Variants in RP1 observed in about 807,000 individuals in gnomAD.
RP1 encodes RP1 axonemal microtubule associated, also known as oxygen-regulated protein 1.
RP1 carries 16 observed loss-of-function variants against 14.8 expected under a neutral mutation model. The ratio of observed to expected loss-of-function variants is 1.08; its 90% CI spans 0.73 to 1.65. The LOEUF (loss-of-function observed/expected upper bound fraction) is 1.65. Among genes scored for constraint, RP1 ranks in the 40% most tolerant of loss-of-function variants. RP1 has a pLI of 0.00. For synonymous variants in RP1, 876 were observed against 883.6 expected (o/e 0.99, Z 0.15); for missense variants, 2,631 against 2,535.0 (o/e 1.04, Z -0.81).
intron 24 of RP1, among the ~76,000 whole-genome samples, chr8:54,816,809 C>G (rs934036735): frequency 2.0e-5 from 3 of 152,174 alleles, no homozygotes; most frequent in Non-Finnish European, 2.9e-5. Flanking sequence ...TCTTTTCATC[C>G]TTCATCCATT....
At chr8:54,846,698 T>C (rs1811927894) in intron 25 of RP1, among the ~76,000 whole-genome samples, 1 of 151,814 alleles carries the variant, frequency 6.6e-6, no homozygotes. Context: ...TTCAATATAC[T>C]TTCTTCTCAT....
At chr8:54,828,510 G>T (rs531927700) in intron 24 of RP1, among the ~76,000 whole-genome samples, 3 of 152,212 alleles carry the variant, frequency 2.0e-5, no homozygotes, top group African/African-American at 7.2e-5. Flanking sequence ...TTTGTCTTCT[G>T]CCAGGAGTAG....
intron 3 of RP1, among the ~76,000 whole-genome samples, chr8:54,647,088 A>C (rs1464086093): frequency 1.3e-5 from 2 of 152,188 alleles, no homozygotes; most frequent in African/African-American, 2.4e-5. Context: ...TAGGGCAAAC[A>C]AAATATAGTT....
chr8:54,586,082 A>T (rs1185742166), intron 1 of RP1, among the ~76,000 whole-genome samples: 2 of 152,242 alleles, frequency 1.3e-5, no homozygotes, highest in East Asian at 3.9e-4. Flanking sequence ...TCTCATTTTT[A>T]GAGTTTCCAG....
rs774953241 is a variant in RP1 at position 54,755,670 on chromosome 8, C to G, written c.2993C>G (p.Thr998Arg). The G allele has an allele frequency of 3.3e-6, 5 of 1,535,982 alleles. No individual in the cohort carries two copies. In the African/African-American group the frequency reaches 5.5e-5, roughly 17 times the overall value. ...ACTGGGCAGCTGAAGCATGCAGAGACGGAGTCTGAGGTTTTCCTCTGTCTC... is the reference window on the plus strand; with the variant it reads ...ACTGGGCAGCTGAAGCATGCAGAGAGGGAGTCTGAGGTTTTCCTCTGTCTC... The change falls in exon 21 of 23, where the codon ACG (threonine) becomes AGG (arginine). Residue 998 changes from threonine (T) to arginine (R), a missense_variant. Physicochemically the swap from Thr to Arg is moderately conservative, Grantham distance 71. Coordinates refer to the RP1 transcript ENST00000636932.
chr8:54,769,222 A>G (rs1809841989), intron 22 of RP1, among the ~76,000 whole-genome samples: 1 of 152,168 alleles, frequency 6.6e-6, no homozygotes, highest in African/African-American at 2.4e-5. Flanking sequence ...GCAAACACTG[A>G]GGAAGAGATT....
intron 19 of RP1, among the ~76,000 whole-genome samples, chr8:54,746,063 G>A (rs1003143552): frequency 1.3e-5 from 2 of 152,244 alleles, no homozygotes; most frequent in African/African-American, 4.8e-5. Flanking sequence ...GTCATTATTA[G>A]GACATATGTC....
chr8:54,861,534 T>G (rs1437828562), intron 27 of RP1, among the ~76,000 whole-genome samples: 2 of 152,258 alleles, frequency 1.3e-5, no homozygotes, highest in African/African-American at 2.4e-5. Context: ...CCATCTCTTG[T>G]TAATGCATAG....
intron 27 of RP1, among the ~76,000 whole-genome samples, chr8:54,865,027 T>C (rs758386486): frequency 2.0e-5 from 3 of 152,172 alleles, no homozygotes; most frequent in Non-Finnish European, 2.9e-5. Context: ...TGTCATTTCC[T>C]ACATTTAGAT....
At chr8:54,697,746 A>C (rs569789592) in intron 12 of RP1, among the ~76,000 whole-genome samples, 1 of 152,294 alleles carries the variant, frequency 6.6e-6, no homozygotes, top group East Asian at 1.9e-4. Flanking sequence ...ACACATCTAC[A>C]ACCAACTGAT....
chr8:54,812,483 T>C (rs755603067), intron 24 of RP1, among the ~76,000 whole-genome samples: 19 of 152,212 alleles, frequency 1.2e-4, no homozygotes, highest in Non-Finnish European at 2.1e-4. Context: ...TTTCTGTCAG[T>C]GTTTTGGTTC....
chr8:54,768,219 C>G (rs2129373488), intron 22 of RP1, among the ~76,000 whole-genome samples: 1 of 152,318 alleles, frequency 6.6e-6, no homozygotes, highest in East Asian at 1.9e-4. Context: ...TACTTATTGT[C>G]CAACCTTCAG....
Position 54,626,328 on chromosome 8 carries a change from A to G in RP1, c.2446A>G (p.Asn816Asp), listed in dbSNP as rs796921810. ...ESKYCKSTFENKSLFHVFNIL... is the reference protein window; with the variant it reads ...ESKYCKSTFEDKSLFHVFNIL... ...TAAATATTGCAAAAGTACTTTTGAA[A>G]ACAAAAGTTTATTTCATGTATTTAA... The change falls in exon 4 of 4, where the codon AAC becomes GAC. Residue 816 changes from asparagine (N) to aspartate (D), a missense_variant. Transcript: ENST00000220676. 3.1e-6 allele frequency: 5 copies of G among 1,613,354 alleles called. No homozygotes were observed. In the Admixed American group the frequency reaches 8.3e-5, roughly 27 times the overall value.
chr8:54,570,015 A>G (rs1804487152), intron 1 of RP1, among the ~76,000 whole-genome samples: 2 of 152,252 alleles, frequency 1.3e-5, no homozygotes, highest in East Asian at 1.9e-4. Context: ...CTTCCTTGTC[A>G]TGGGTGTTGG....
exon 14 of RP1, chr8:54,701,513 C>T (rs764576662): frequency 4.6e-6 from 7 of 1,534,178 alleles, no homozygotes; most frequent in South Asian, 2.4e-5. Flanking sequence ...CACTGAGCTG[C>T]GGGTGCTTTA....
downstream of RP1, among the ~76,000 whole-genome samples, chr8:54,771,815 T>G (rs1809915478): frequency 1.3e-5 from 2 of 152,214 alleles, no homozygotes; most frequent in African/African-American, 4.8e-5. Flanking sequence ...GAAAGAACCT[T>G]GAAAGGTTAA....
intron 1 of RP1, among the ~76,000 whole-genome samples, chr8:54,570,626 C>A (rs1397654019): frequency 7.2e-6 from 1 of 138,184 alleles, no homozygotes; most frequent in Non-Finnish European, 1.6e-5. Context: ...CCGCACCAGA[C>A]CTAGGTAAAC....
chr8:54,810,161 A>G (rs562759203), intron 24 of RP1, among the ~76,000 whole-genome samples: 22 of 152,322 alleles, frequency 1.4e-4, no homozygotes, highest in Admixed American at 1.1e-3. Context: ...TGGCACCAGC[A>G]TGAACTTATT....
chr8:54,566,379 A>T (rs17310607), intron 1 of RP1, among the ~76,000 whole-genome samples: 36,042 of 152,058 alleles, frequency 0.24, 4,340 homozygotes, highest in African/African-American at 0.26. Context: ...GAGGTTGGTG[A>T]AAGTTAAAGT....
Sources: allele counts gnomAD v4.1 joint callset (sites outside exome capture counted in the v4.1 genomes callset), GRCh38; gene constraint gnomAD v4.1.1; transcripts MANE v1.5; gene names NCBI Gene and HGNC (gene_info 2026-07-23, HGNC 2026-07-21).